Variants in GPHN observed in about 807,000 individuals in gnomAD.
GPHN encodes the protein gephyrin.
GPHN carries 17 observed loss-of-function variants against 95.5 expected under a neutral mutation model. That is an observed-to-expected ratio of 0.18 (90% CI 0.12 to 0.27). GPHN has a LOEUF of 0.27. Ranked by LOEUF, GPHN falls within the 10% of genes least tolerant of loss-of-function variation. The pLI is 1.00. For missense variants in GPHN, 660 were observed against 978.1 expected (o/e 0.67, Z 4.34); for synonymous variants, 320 against 322.5 (o/e 0.99, Z 0.08).
At chr14:66,873,267 G>A (rs539790738) in intron 4 of GPHN, among the ~76,000 whole-genome samples, 6 of 152,288 alleles carry the variant, frequency 3.9e-5, no homozygotes, top group East Asian at 3.9e-4. Context: ...TTTGCAAACC[G>A]CAGACCAGGA....
At chr14:66,927,825 T>C (rs2066564844) in intron 8 of GPHN, among the ~76,000 whole-genome samples, 1 of 152,212 alleles carries the variant, frequency 6.6e-6, no homozygotes, top group South Asian at 2.1e-4. Context: ...ATTCTGTAGA[T>C]ATGATGTATC....
At position 66,632,562 on chromosome 14, in the gene GPHN, G is replaced by C. The variant is rs575689958; in HGVS notation, c.65-48545G>C. The stretch of plus-strand genomic sequence containing the variant: ...AGGCAGAGTGCAGTGGTGTGCTCTC[G>C]GCTCACTGCAACCTCCTCCTCCCAG... On this transcript the variant is annotated intron_variant, in intron 1 of 22. Coordinates refer to ENST00000478722, the MANE Select transcript of GPHN (RefSeq NM_020806.5). 5.4e-4 allele frequency among the ~76,000 whole-genome samples: 80 copies of C among 146,856 alleles called. 3 individuals are homozygous for C. The South Asian group carries it at 0.017, about 30-fold the overall frequency.
chr14:67,055,605 A>G (rs1475396972), intron 10 of GPHN, among the ~76,000 whole-genome samples: 1 of 152,234 alleles, frequency 6.6e-6, no homozygotes, highest in Non-Finnish European at 1.5e-5. Flanking sequence ...ATGCATGCGT[A>G]TGCTCATTGC....
chr14:67,327,307 A>G, the GPHN span, among the ~76,000 whole-genome samples: 2 of 152,068 alleles, frequency 1.3e-5, no homozygotes, highest in Non-Finnish European at 2.9e-5. Context: ...CAAGTGAGGT[A>G]AATGTATGTT....
chr14:67,063,282 T>C (rs1203977880), intron 11 of GPHN, among the ~76,000 whole-genome samples: 1 of 152,156 alleles, frequency 6.6e-6, no homozygotes, highest in Non-Finnish European at 1.5e-5. Context: ...TTCTGTTCCA[T>C]TGGTCTATAT....
intron 8 of GPHN, among the ~76,000 whole-genome samples, chr14:66,945,997 T>C (rs1452106362): frequency 1.3e-5 from 2 of 152,186 alleles, no homozygotes; most frequent in East Asian, 3.8e-4. Flanking sequence ...ACTTTGTAGA[T>C]AAGTACAAAA....
chr14:66,548,630 T>C (rs72724582), intron 1 of GPHN, among the ~76,000 whole-genome samples: 8,298 of 152,312 alleles, frequency 0.054, 310 homozygotes, highest in Non-Finnish European at 0.086. Flanking sequence ...ATACAAAATA[T>C]TCCCTGAGTA....
chr14:67,729,290 C>G, the GPHN span: 41 of 1,604,394 alleles, frequency 2.6e-5, no homozygotes, highest in Non-Finnish European at 3.1e-5. Flanking sequence ...CTCTTCTCCC[C>G]CTTTGTCAAG....
the GPHN span, among the ~76,000 whole-genome samples, chr14:67,439,565 C>CTTTATTTATTTT: frequency 4.0e-5 from 5 of 124,474 alleles, no homozygotes; most frequent in Admixed American, 4.1e-4. Context: ...TTCTTTCTTT[C>CTTTATTTATTTT]TTTCTTTCTT....
the GPHN span, among the ~76,000 whole-genome samples, chr14:67,594,891 T>G: frequency 1.6e-4 from 25 of 152,298 alleles, no homozygotes; most frequent in Non-Finnish European, 2.9e-4. Context: ...GGCTCACGCC[T>G]GTAATCCCAG....
the GPHN span, among the ~76,000 whole-genome samples, chr14:67,275,240 G>T: frequency 6.6e-6 from 1 of 152,172 alleles, no homozygotes; most frequent in Admixed American, 6.5e-5. Context: ...CATTCAGTAT[G>T]ATATTGGCTG....
chr14:67,129,978 G>A (rs1415220209), intron 17 of GPHN, among the ~76,000 whole-genome samples: 2 of 152,014 alleles, frequency 1.3e-5, no homozygotes, highest in Non-Finnish European at 2.9e-5. Flanking sequence ...GTAATATATT[G>A]GCTTTGAATT....
At chr14:66,673,996 A>G (rs952900465) in intron 1 of GPHN, among the ~76,000 whole-genome samples, 3 of 152,148 alleles carry the variant, frequency 2.0e-5, no homozygotes, top group Non-Finnish European at 2.9e-5. Flanking sequence ...TACTGTGAAC[A>G]TTCAAAAGCT....
At chr14:67,600,529 G>A in the GPHN span, among the ~76,000 whole-genome samples, 1 of 152,170 alleles carries the variant, frequency 6.6e-6, no homozygotes, top group African/African-American at 2.4e-5. Flanking sequence ...AGCCTGGGAG[G>A]TCGAGGTTGC....
chr14:66,896,112 A>G (rs2064836361), intron 5 of GPHN, among the ~76,000 whole-genome samples: 1 of 152,138 alleles, frequency 6.6e-6, no homozygotes. Context: ...AATACCACTC[A>G]TGAGGACAGA....
chr14:66,569,496 C>A (rs912490135), intron 1 of GPHN, among the ~76,000 whole-genome samples: 24 of 151,992 alleles, frequency 1.6e-4, no homozygotes, highest in African/African-American at 5.8e-4. Flanking sequence ...AACCCCATCT[C>A]TACTAAAAAT....
At chr14:67,650,408 C>G in the GPHN span, 2 of 343,472 alleles carry the variant, frequency 5.8e-6, no homozygotes, top group African/African-American at 2.1e-5. Flanking sequence ...AAACCTCCCC[C>G]ACCCAACACC....
At chr14:66,897,696 A>G (rs1019320260) in intron 5 of GPHN, among the ~76,000 whole-genome samples, 1 of 152,118 alleles carries the variant, frequency 6.6e-6, no homozygotes, top group African/African-American at 2.4e-5. Flanking sequence ...GTAGTATTCC[A>G]TACTATATAT....
At chr14:67,494,553 A>G in the GPHN span, among the ~76,000 whole-genome samples, 1 of 152,244 alleles carries the variant, frequency 6.6e-6, no homozygotes, top group East Asian at 1.9e-4. Flanking sequence ...TGGAGCAGCC[A>G]GGCCAATCGG....
Sources: allele counts gnomAD v4.1 joint callset (sites outside exome capture counted in the v4.1 genomes callset), GRCh38; gene constraint gnomAD v4.1.1; transcripts MANE v1.5; gene names NCBI Gene and HGNC (gene_info 2026-07-23, HGNC 2026-07-21).